Variants in ZNF804B observed in about 807,000 individuals in gnomAD.
ZNF804B encodes the protein zinc finger protein 804B.
A neutral mutation model predicts 101.4 loss-of-function variants in ZNF804B; 80 were observed. The ratio of observed to expected loss-of-function variants is 0.79; its 90% confidence interval spans 0.66 to 0.95. ZNF804B has a LOEUF of 0.95. ZNF804B is among the 40% of genes least tolerant of loss of function. ZNF804B has a pLI of 0.00. For missense variants in ZNF804B, 1,673 were observed against 1,561.9 expected (o/e 1.07, Z -1.20); for synonymous variants, 622 against 558.8 (o/e 1.11, Z -1.59).
At chr7:89,203,057 A>G (rs1236159621) in intron 1 of ZNF804B, among the ~76,000 whole-genome samples, 5 of 152,086 alleles carry the variant, frequency 3.3e-5, no homozygotes, top group African/African-American at 7.2e-5. Context: ...AAATGCACAT[A>G]CAGAATAGAT....
Position 88,972,512 on chromosome 7 carries a change from G to A in ZNF804B, c.108+212428G>A, listed in dbSNP as rs1793553400. Among the ~76,000 whole-genome samples the A allele has an allele frequency of 1.3e-5, 2 of 151,268 alleles. 1 individual carries two copies. The highest frequency in any genetic ancestry group is 4.1e-4 in the South Asian group (2 of 4,826). On this transcript the variant is annotated intron_variant, in intron 1 of 3. Transcript: ENST00000333190. ...CCTAGGTGTACCTAGCATAGCCTAT[G>A]TACTTAATGAAGATTAGTGTAGGAT...
At position 89,335,014 on chromosome 7, in the gene ZNF804B, A is replaced by G; in HGVS notation, c.2032A>G (p.Lys678Glu). The change falls in exon 4 of 4, where the codon AAG becomes GAG. Residue 678 changes from lysine (K) to glutamate (E), a missense_variant. Physicochemically the swap from Lys to Glu is moderately conservative, Grantham distance 56. Transcript: ENST00000333190. The part of the protein sequence containing the change: ...DHGKDFSVIL[K>E]SNHISMTSKV... The stretch of plus-strand genomic sequence containing the variant: ...TGGGAAAGACTTCAGTGTAATTTTG[A>G]AGAGTAACCACATCAGCATGACCAG... The G allele has an allele frequency of 6.2e-7, 1 of 1,613,836 alleles. No homozygotes were observed. Among genetic ancestry groups the G allele is most frequent in the Non-Finnish European group, 8.5e-7 (1 of 1,179,892 alleles).
In ZNF804B at chr7:88,776,555, G is replaced by GTTTTTTTTTTTTTTTTTTTTTTTTTT. The variant is rs10630362; in HGVS notation, c.108+16475_108+16476insTTTTTTTTTTTTTTTTTTTTTTTTTT. On this transcript the variant is annotated intron_variant, in intron 1 of 3. Coordinates refer to ENST00000333190, the MANE Select transcript of ZNF804B (RefSeq NM_181646.5). ...TAGTGGCTTTTCTATTTCTCGTGGT[G>GTTTTTTTTTTTTTTTTTTTTTTTTTT]TTTTGTTTTTTTTTTTTTTTTTTTT... Among the ~76,000 whole-genome samples the GTTTTTTTTTTTTTTTTTTTTTTTTTT allele has an allele frequency of 3.8e-5, 4 of 106,456 alleles. 1 individual carries two copies. Among genetic ancestry groups the GTTTTTTTTTTTTTTTTTTTTTTTTTT allele is most frequent in the African/African-American group, 1.3e-4 (4 of 30,460 alleles). 69.8% of individuals were successfully genotyped at this position (106,456 alleles called of 152,430 possible).
At chr7:89,320,068 G>C (rs1381805999) in intron 2 of ZNF804B, among the ~76,000 whole-genome samples, 1 of 126,502 alleles carries the variant, frequency 7.9e-6, no homozygotes, top group Non-Finnish European at 1.9e-5. Context: ...GGCTAGGGGA[G>C]GGATAGCATT....
At chr7:88,835,030 G>A (rs1253742452) in intron 1 of ZNF804B, among the ~76,000 whole-genome samples, 1 of 151,652 alleles carries the variant, frequency 6.6e-6, no homozygotes, top group Admixed American at 6.6e-5. Flanking sequence ...GGTCTCCTAC[G>A]AACGGAACTG....
intron 1 of ZNF804B, among the ~76,000 whole-genome samples, chr7:89,158,581 TA>T (rs34249911): frequency 0.2 from 31,032 of 152,098 alleles, 3,369 homozygotes; most frequent in Middle Eastern, 0.39. Context: ...GCCACCAACT[TA>T]ATGGAATAGA....
At chr7:88,902,134 TCA>T (rs1792400861) in intron 1 of ZNF804B, among the ~76,000 whole-genome samples, 1 of 152,022 alleles carries the variant, frequency 6.6e-6, no homozygotes, top group East Asian at 1.9e-4. Context: ...TTTGGGGGAC[TCA>T]CAAAGACTTT....
chr7:89,082,334 A>G (rs1365121782), intron 1 of ZNF804B, among the ~76,000 whole-genome samples: 1 of 151,654 alleles, frequency 6.6e-6, no homozygotes, highest in Non-Finnish European at 1.5e-5. Context: ...ACAATTATAA[A>G]GTAGGCAAAC....
At chr7:89,203,543 A>G (rs1788675989) in intron 1 of ZNF804B, among the ~76,000 whole-genome samples, 2 of 152,170 alleles carry the variant, frequency 1.3e-5, no homozygotes, top group South Asian at 4.1e-4. Context: ...TTTAAGACAT[A>G]GAGCTTCTGT....
chr7:88,839,699 T>C (rs1375600512), intron 1 of ZNF804B, among the ~76,000 whole-genome samples: 4 of 151,950 alleles, frequency 2.6e-5, no homozygotes, highest in Middle Eastern at 3.2e-3. Flanking sequence ...AAAGTGAAGA[T>C]TGAATCCTTA....
At position 89,239,244 on chromosome 7, in the gene ZNF804B, C is replaced by T. The variant is rs1302169854; in HGVS notation, c.249+20949C>T. Among the ~76,000 whole-genome samples the T allele has an allele frequency of 2.0e-5, 3 of 152,048 alleles. No individual in the cohort carries two copies. In the East Asian group the frequency reaches 5.8e-4, roughly 29 times the overall value. On this transcript the variant is annotated intron_variant, in intron 2 of 3. Coordinates refer to ENST00000333190, the MANE Select transcript of ZNF804B (RefSeq NM_181646.5). Reference sequence around the variant, plus strand: ...CTGAGGATGCCCAAACTGAATGGGACAGGTGTGTGGGTCAGCAGAGGGCAC... The same window carrying T: ...CTGAGGATGCCCAAACTGAATGGGATAGGTGTGTGGGTCAGCAGAGGGCAC...
chr7:88,938,297 A>C (rs527827979), intron 1 of ZNF804B, among the ~76,000 whole-genome samples: 1 of 152,112 alleles, frequency 6.6e-6, no homozygotes, highest in East Asian at 1.9e-4. Context: ...AATAGATGAC[A>C]AGTGTTTCCT....
Position 89,336,861 on chromosome 7 carries a change from T to C in ZNF804B, c.3879T>C (p.Pro1293=). 1.2e-6 allele frequency: 2 copies of C among 1,614,132 alleles called. No homozygotes were observed. Among genetic ancestry groups the C allele is most frequent in the Middle Eastern group, 1.6e-4 (1 of 6,062 alleles). The change falls in exon 4 of 4, where the codon CCT becomes CCC. Residue 1293 remains proline, a synonymous_variant. Transcript: ENST00000333190. ...LQPLPPTAFI[P]TLFGPHLNPA... is the part of the protein sequence containing the mutation. ...CTCTGCCCCCTACAGCATTTATTCC[T>C]ACATTGTTTGGTCCTCACTTAAATC...
chr7:88,979,519 G>A (rs1176578167), intron 1 of ZNF804B, among the ~76,000 whole-genome samples: 2 of 151,658 alleles, frequency 1.3e-5, no homozygotes, highest in Non-Finnish European at 2.9e-5. Context: ...TGGCCTGTAA[G>A]ACTTCCACAG....
intron 1 of ZNF804B, among the ~76,000 whole-genome samples, chr7:89,059,104 A>C (rs1219697208): frequency 6.6e-6 from 1 of 152,150 alleles, no homozygotes; most frequent in Admixed American, 6.6e-5. Flanking sequence ...TAATCCCAAA[A>C]AACAAAATCC....
At chr7:89,156,684 ATTT>A (rs1464415427) in intron 1 of ZNF804B, among the ~76,000 whole-genome samples, 4 of 151,866 alleles carry the variant, frequency 2.6e-5, no homozygotes, top group African/African-American at 9.7e-5. Context: ...AATTTTTGTT[ATTT>A]TTATTGGTTT....
intron 2 of ZNF804B, among the ~76,000 whole-genome samples, chr7:89,248,466 GAA>G (rs139869508): frequency 1.4e-5 from 2 of 140,836 alleles, no homozygotes; most frequent in African/African-American, 5.3e-5. Context: ...AGCATTCTTT[GAA>G]AAAAAAAGAA....
At chr7:89,149,838 T>C (rs1469821663) in intron 1 of ZNF804B, among the ~76,000 whole-genome samples, 1 of 151,748 alleles carries the variant, frequency 6.6e-6, no homozygotes, top group Non-Finnish European at 1.5e-5. Context: ...ATTACTGATA[T>C]TTGCCCAGTA....
At chr7:88,901,767 A>C (rs1792395472) in intron 1 of ZNF804B, among the ~76,000 whole-genome samples, 4 of 151,932 alleles carry the variant, frequency 2.6e-5, no homozygotes, top group Admixed American at 2.6e-4. Context: ...TACATAGTTA[A>C]GCTGAAAAGA....
Sources: allele counts gnomAD v4.1 joint callset (sites outside exome capture counted in the v4.1 genomes callset), GRCh38; gene constraint gnomAD v4.1.1; transcripts MANE v1.5; gene names NCBI Gene and HGNC (gene_info 2026-07-23, HGNC 2026-07-21).